The following HTR3D variants were observed in gnomAD, a reference collection of about 807,000 sequenced individuals.
HTR3D encodes 5-hydroxytryptamine receptor 3D.
Under a neutral mutation model 45.8 loss-of-function variants are expected in HTR3D, and 47 were observed. The ratio of observed to expected loss-of-function variants is 1.03; its 90% confidence interval spans 0.81 to 1.31. The LOEUF (loss-of-function observed/expected upper bound fraction) is 1.31. Ranked by LOEUF, HTR3D falls within the 50% of genes most tolerant of loss-of-function variation. The pLI is 0.00. For missense variants in HTR3D, 448 were observed against 506.9 expected (o/e 0.88, Z 1.12); for synonymous variants, 203 against 199.8 (o/e 1.02, Z -0.13).
rs564930598 is a variant in HTR3D, at chr3:184,038,832, C to G, written c.1072C>G (p.Gln358Glu). The G allele has an allele frequency of 6.2e-7, 1 of 1,614,132 alleles. No individual in the cohort carries two copies. Among genetic ancestry groups the G allele is most frequent in the African/African-American group, 1.3e-5 (1 of 75,044 alleles). ...LTGGSEWTRA[Q>E]REHEAQKQHS... ...AGGGGGCTCAGAATGGACAAGGGCC[C>G]AGCGGGAACACGAGGCCCAGAAGCA... Residue 358 changes from glutamine (Q) to glutamate (E), a missense_variant, in exon 8 of 8, where the codon CAG becomes GAG. Coordinates refer to ENST00000428798, the MANE Select transcript of HTR3D (RefSeq NM_001145143.1). The surrounding 1 kb of genome is among the most constrained non-coding windows in gnomAD (Gnocchi z 4.5).
At chr3:184,035,111 G>GGA in intron 1 of HTR3D, 67 bp from the exon 2 acceptor site, 1 of 1,551,072 alleles carries the variant, frequency 6.4e-7, no homozygotes, top group South Asian at 1.2e-5. Flanking sequence ...AAGTGAACAA[G>GGA]GAGAGGGTGG....
At chr3:184,034,939 T>C (rs963323013) in intron 1 of HTR3D, 7 of 860,704 alleles carry the variant, frequency 8.1e-6, no homozygotes, top group African/African-American at 5.2e-5. Context: ...TTACTGCAGG[T>C]AAAATCTGTT....
intron 3 of HTR3D, 34 bp from the exon 4 acceptor site, chr3:184,036,341 C>G (rs1722888701): frequency 6.2e-7 from 1 of 1,609,734 alleles, no homozygotes; most frequent in Non-Finnish European, 8.5e-7. Context: ...ACCCACAGCA[C>G]CTACCTCCCT....
intron 5 of HTR3D, 137 bp from the exon 6 acceptor site, chr3:184,037,884 C>A: frequency 9.5e-7 from 1 of 1,047,838 alleles, no homozygotes; most frequent in Non-Finnish European, 1.4e-6. Context: ...ATGAAAAGAC[C>A]GGATGCTGAA....
Position 184,036,900 on chromosome 3 carries a change from A to T in HTR3D, c.516+4A>T. ...GTATGAACAAGCCATCTTCCATGTG[A>T]GCTCAGGGGCCAAGACAAGGTTTCA... On this transcript the variant is annotated splice_donor_region_variant and intron_variant, in intron 5 of 7. Transcript: ENST00000428798. 6.4e-7 allele frequency: 1 copy of T among 1,551,098 alleles called. No individual in the cohort carries two copies. Among genetic ancestry groups the T allele is most frequent in the Non-Finnish European group, 8.7e-7 (1 of 1,146,664 alleles).
In HTR3D at chr3:184,038,509, T is replaced by C. The variant is rs754214441; in HGVS notation, c.870T>C (p.Pro290=). 1.2e-5 allele frequency: 19 copies of C among 1,613,678 alleles called. No individual in the cohort carries two copies. The highest frequency in any genetic ancestry group is 3.4e-4 in the Middle Eastern group (2 of 5,946). The change falls in exon 7 of 8, where the codon CCT becomes CCC. Residue 290 remains proline, a synonymous_variant. Coordinates refer to ENST00000428798, the MANE Select transcript of HTR3D (RefSeq NM_001145143.1). The surrounding 1 kb of genome is among the most constrained non-coding windows in gnomAD (Gnocchi z 4.5). ...ACGTGGCCACCACCCAGCCCCTACC[T>C]CTGCCTCGGTGGCTCCACTCCCTGC... ...LLHVATTQPL[P]LPRWLHSLLL...
At position 184,035,223 on chromosome 3, in the gene HTR3D, G is replaced by A; in HGVS notation, c.111+1G>A. 4.5e-6 allele frequency: 7 copies of A among 1,552,054 alleles called. No homozygotes were observed. Among genetic ancestry groups the A allele is most frequent in the Non-Finnish European group, 6.1e-6 (7 of 1,146,986 alleles). On this transcript the variant is annotated splice_donor_variant, in intron 2 of 7. Coordinates refer to ENST00000428798, the MANE Select transcript of HTR3D (RefSeq NM_001145143.1). LOFTEE classifies it high-confidence loss of function. Reference sequence around the variant, plus strand: ...GACATCGTTCCTGTGGCTAAATATGGTATGACAGACTCAGTTTCCCCTTTC... The same window carrying A: ...GACATCGTTCCTGTGGCTAAATATGATATGACAGACTCAGTTTCCCCTTTC...
At chr3:184,036,645 C>T in intron 4 of HTR3D, 101 bp downstream of exon 4, 1 of 1,581,570 alleles carries the variant, frequency 6.3e-7, no homozygotes, top group South Asian at 1.2e-5. Flanking sequence ...CTGAAAAGGG[C>T]CTGGAAGCTA....
At chr3:184,034,945 C>A in intron 1 of HTR3D, 1 of 923,708 alleles carries the variant, frequency 1.1e-6, no homozygotes, top group East Asian at 2.9e-5. Context: ...CAGGTAAAAT[C>A]TGTTCTTTTT....
chr3:184,034,077 T>C (rs1017007187), intron 1 of HTR3D, among the ~76,000 whole-genome samples: 6 of 152,106 alleles, frequency 3.9e-5, no homozygotes, highest in African/African-American at 1.4e-4. Context: ...AAAAATAGAA[T>C]TACCATACAA....
chr3:184,033,267 T>A (rs1351048593), intron 1 of HTR3D, among the ~76,000 whole-genome samples: 1 of 152,026 alleles, frequency 6.6e-6, no homozygotes, highest in East Asian at 1.9e-4. Flanking sequence ...CCCACCCAGC[T>A]AATTTTTGTA....
rs1479215819 is a variant in HTR3D, at chr3:184,036,860, C to A, written c.480C>A (p.Thr160=). The A allele has an allele frequency of 5.2e-6, 8 of 1,551,380 alleles. No homozygotes were observed. In the South Asian group the frequency reaches 8.3e-5, roughly 16 times the overall value. The change falls in exon 5 of 8, where the codon ACC becomes ACA. Residue 160 remains threonine, a synonymous_variant. Coordinates refer to ENST00000428798, the MANE Select transcript of HTR3D (RefSeq NM_001145143.1). ...TCCAAAAAAGAACAATAAAGGTGAC[C>A]GTGGCCACTAACCAGTATGAACAAG... ...LGIQKRTIKV[T]VATNQYEQAI...
intron 4 of HTR3D, 27 bp from the exon 5 acceptor site, chr3:184,036,721 G>A: frequency 6.4e-7 from 1 of 1,552,622 alleles, no homozygotes; most frequent in Non-Finnish European, 8.7e-7. Context: ...GAGTCTTCTG[G>A]GCCTGCTTTG....
chr3:184,035,220 A>G lies in HTR3D; in HGVS notation c.109A>G (p.Met37Val). ...GGTGACATCGTTCCTGTGGCTAAAT[A>G]TGGTATGACAGACTCAGTTTCCCCT... ...QLVTSFLWLN[M>V]WNPDECGGIK... Residue 37 changes from methionine (M) to valine (V), a missense_variant and splice_region_variant, in exon 2 of 8, where the codon ATG becomes GTG. Physicochemically the swap from Met to Val is conservative, Grantham distance 21. Coordinates refer to ENST00000428798, the MANE Select transcript of HTR3D (RefSeq NM_001145143.1). 1.9e-6 allele frequency: 3 copies of G among 1,552,142 alleles called. No homozygotes were observed. The highest frequency in any genetic ancestry group is 1.7e-4 in the Middle Eastern group (1 of 5,998).
Position 184,036,397 on chromosome 3 carries a change from C to G in HTR3D, c.220C>G (p.Leu74Val), listed in dbSNP as rs776718069. ...CAGTGTGGATCAGACACCTGCAGGT[C>G]TCATGGCTAGTATGTCAATAGTGAA... Reference protein sequence around the residue: ...EESVDQTPAGLMASMSIVKAT... With the variant: ...EESVDQTPAGVMASMSIVKAT... Residue 74 changes from leucine (L) to valine (V), a missense_variant, in exon 4 of 8, where the codon CTC (leucine) becomes GTC (valine). By Grantham distance (32) the Leu-to-Val change is conservative. Coordinates refer to ENST00000428798, the MANE Select transcript of HTR3D (RefSeq NM_001145143.1). 8.1e-6 allele frequency: 13 copies of G among 1,614,138 alleles called. No individual in the cohort carries two copies. In the South Asian group the frequency reaches 1.4e-4, roughly 18 times the overall value.
intron 1 of HTR3D, among the ~76,000 whole-genome samples, chr3:184,034,704 C>G (rs766994630): frequency 2.5e-4 from 25 of 98,584 alleles, no homozygotes; most frequent in Non-Finnish European, 3.7e-4. Context: ...GCCTCTAATC[C>G]CAGCTGCTCG....
At chr3:184,036,707 G>T (rs745671386) in intron 4 of HTR3D, 41 bp from the exon 5 acceptor site, 2 of 1,553,556 alleles carry the variant, frequency 1.3e-6, no homozygotes, top group African/African-American at 2.7e-5. Context: ...CATTTGGGGA[G>T]GCTGAGTCTT....
At chr3:184,037,875 T>C in intron 5 of HTR3D, 146 bp from the exon 6 acceptor site, 1 of 978,312 alleles carries the variant, frequency 1.0e-6, no homozygotes, top group South Asian at 1.7e-5. Flanking sequence ...CGCCTTTGGA[T>C]GAAAAGACCG....
chr3:184,034,261 G>A lies in HTR3D; in HGVS notation c.67-917G>A, dbSNP rs75285903. On this transcript the variant is annotated intron_variant, in intron 1 of 7. Transcript: ENST00000428798. ...GTATGTACTTACAATGGAATACTAT[G>A]CAGCCTTCAAATGGAACAAAATTCT... 7.3e-4 allele frequency among the ~76,000 whole-genome samples: 111 copies of A among 152,232 alleles called. 2 individuals carry two copies. The East Asian group carries it at 0.015, about 21-fold the overall frequency.
Sources: allele counts gnomAD v4.1 joint callset (sites outside exome capture counted in the v4.1 genomes callset), GRCh38; gene constraint gnomAD v4.1.1; non-coding constraint Gnocchi (gnomAD v3.1); transcripts MANE v1.5; gene names NCBI Gene and HGNC (gene_info 2026-07-23, HGNC 2026-07-21).